Variants in EBF1 observed in about 807,000 individuals in gnomAD.
The protein encoded by EBF1 is EBF transcription factor 1.
EBF1 carries 10 observed loss-of-function variants against 68.4 expected under a neutral mutation model. The observed-to-expected ratio is 0.15, with a 90% confidence interval of 0.09 to 0.25. The LOEUF (loss-of-function observed/expected upper bound fraction) is 0.25, where lower values mean the gene tolerates loss of function less well. EBF1 is among the 10% of genes least tolerant of loss of function. The pLI is 1.00. For synonymous variants in EBF1, 298 were observed against 299.8 expected, an observed-to-expected ratio of 0.99 and a Z score of 0.06; for missense variants, 509 against 794.4, an observed-to-expected ratio of 0.64 and a Z score of 4.32.
chr5:158,951,804 A>G (rs1816068054), intron 6 of EBF1, among the ~76,000 whole-genome samples: 1 of 152,188 alleles, frequency 6.6e-6, no homozygotes, highest in South Asian at 2.1e-4. Flanking sequence ...CTTACAGGTC[A>G]GAGACAATGA....
intron 10 of EBF1, among the ~76,000 whole-genome samples, chr5:158,734,033 T>A (rs1323080508): frequency 1.3e-5 from 2 of 152,202 alleles, no homozygotes; most frequent in Non-Finnish European, 2.9e-5. Flanking sequence ...TATGATGCCA[T>A]CCTCAAAAGC....
At chr5:158,724,221 G>T (rs1416401218) in intron 11 of EBF1, among the ~76,000 whole-genome samples, 1 of 152,162 alleles carries the variant, frequency 6.6e-6, no homozygotes, top group Non-Finnish European at 1.5e-5. Flanking sequence ...TATACCATAA[G>T]ATTTGCCATT....
chr5:158,808,058 C>T lies in EBF1; in HGVS notation c.779-11583G>A, dbSNP rs189704955. Reference sequence around the variant, plus strand: ...TATCATTTTGAGCCAGTTTCCTCTCCTCCCTGACACATTTAGTGACACTGC... The same window carrying T: ...TATCATTTTGAGCCAGTTTCCTCTCTTCCCTGACACATTTAGTGACACTGC... On this transcript the variant is annotated intron_variant, in intron 8 of 15. Transcript: ENST00000313708. Among the ~76,000 whole-genome samples, 337 of 152,264 alleles carry T rather than the reference C, an allele frequency of 2.2e-3. 3 individuals are homozygous for T. The highest frequency in any genetic ancestry group is 7.9e-3 in the African/African-American group (329 of 41,574).
At chr5:158,916,511 T>C (rs1249527407) in intron 6 of EBF1, among the ~76,000 whole-genome samples, 2 of 152,184 alleles carry the variant, frequency 1.3e-5, no homozygotes, top group Non-Finnish European at 2.9e-5. Context: ...CTTTAAGTCA[T>C]GAAATACTTA....
At chr5:158,866,404 A>T (rs1395485312) in intron 6 of EBF1, among the ~76,000 whole-genome samples, 1 of 152,200 alleles carries the variant, frequency 6.6e-6, no homozygotes, top group East Asian at 1.9e-4. Context: ...TTCTCTTGTC[A>T]CAACCCTTCC....
chr5:158,962,982 A>T (rs1447806796), intron 6 of EBF1, among the ~76,000 whole-genome samples: 1 of 152,228 alleles, frequency 6.6e-6, no homozygotes, highest in Non-Finnish European at 1.5e-5. Flanking sequence ...TTTACCAAAA[A>T]AGATGATGAA....
intron 6 of EBF1, among the ~76,000 whole-genome samples, chr5:159,064,623 G>C (rs935704333): frequency 6.6e-6 from 1 of 152,170 alleles, no homozygotes; most frequent in African/African-American, 2.4e-5. Context: ...GGTGCTCATA[G>C]ACCAGGATTC....
intron 6 of EBF1, among the ~76,000 whole-genome samples, chr5:158,929,293 C>T (rs1365738798): frequency 1.3e-5 from 2 of 152,316 alleles, no homozygotes; most frequent in East Asian, 1.9e-4. Flanking sequence ...CCTAAATTAT[C>T]AGCCTTTGTA....
chr5:158,853,334 G>A (rs530249624), intron 6 of EBF1, among the ~76,000 whole-genome samples: 1 of 152,320 alleles, frequency 6.6e-6, no homozygotes, highest in East Asian at 1.9e-4. Context: ...ACTGGCATGT[G>A]ACCCAAGTCA....
At chr5:158,854,372 A>G (rs1414463969) in intron 6 of EBF1, among the ~76,000 whole-genome samples, 2 of 152,240 alleles carry the variant, frequency 1.3e-5, no homozygotes, top group Non-Finnish European at 1.5e-5. Context: ...TAAGGATCGC[A>G]TCACTTGAAA....
intron 8 of EBF1, among the ~76,000 whole-genome samples, chr5:158,811,679 T>G (rs1004794049): frequency 6.6e-6 from 1 of 152,198 alleles, no homozygotes; most frequent in African/African-American, 2.4e-5. Flanking sequence ...CCCAAAACAC[T>G]GCTCTAAATG....
At chr5:159,029,686 G>A (rs1170830846) in intron 6 of EBF1, among the ~76,000 whole-genome samples, 5 of 152,010 alleles carry the variant, frequency 3.3e-5, no homozygotes, top group African/African-American at 1.2e-4. Flanking sequence ...CGGGCACCAT[G>A]GCTCATGCCT....
At chr5:158,759,836 G>C (rs921321573) in intron 10 of EBF1, among the ~76,000 whole-genome samples, 2 of 151,616 alleles carry the variant, frequency 1.3e-5, no homozygotes, top group Non-Finnish European at 2.9e-5. Context: ...ACCTTTCTGG[G>C]TTACAGAACA....
intron 6 of EBF1, among the ~76,000 whole-genome samples, chr5:158,976,909 C>G (rs1281152041): frequency 2.0e-5 from 3 of 152,152 alleles, no homozygotes; most frequent in Non-Finnish European, 4.4e-5. Context: ...CAGTGAATGT[C>G]AATTTAGGGT....
At chr5:158,862,122 A>T (rs1400755686) in intron 6 of EBF1, among the ~76,000 whole-genome samples, 1 of 152,218 alleles carries the variant, frequency 6.6e-6, no homozygotes, top group African/African-American at 2.4e-5. Context: ...GTAAAATTTT[A>T]TCTGAATAAC....
At chr5:158,865,914 C>T (rs1292897495) in intron 6 of EBF1, among the ~76,000 whole-genome samples, 1 of 152,170 alleles carries the variant, frequency 6.6e-6, no homozygotes. Flanking sequence ...TATTCACCAT[C>T]GTTGGAGCAA....
At chr5:159,095,859 T>G (rs1161422903) in intron 3 of EBF1, among the ~76,000 whole-genome samples, 184 bp from the exon 4 acceptor site, 1 of 152,222 alleles carries the variant, frequency 6.6e-6, no homozygotes, top group Non-Finnish European at 1.5e-5. Flanking sequence ...CCTTCCCCAG[T>G]GTCCAGAGAG....
At chr5:159,076,425 T>C (rs62385440) in intron 5 of EBF1, among the ~76,000 whole-genome samples, 3 of 152,118 alleles carry the variant, frequency 2.0e-5, no homozygotes, top group Non-Finnish European at 4.4e-5. Flanking sequence ...AGATTTTTCC[T>C]TTTCACTTAA....
intron 6 of EBF1, among the ~76,000 whole-genome samples, chr5:158,963,775 A>C (rs925591425): frequency 1.3e-5 from 2 of 152,092 alleles, no homozygotes; most frequent in Admixed American, 1.3e-4. Context: ...GAGTGTTGGA[A>C]CATTTTCTCT....
Sources: allele counts gnomAD v4.1 joint callset (sites outside exome capture counted in the v4.1 genomes callset), GRCh38; gene constraint gnomAD v4.1.1; transcripts MANE v1.5; gene names NCBI Gene and HGNC (gene_info 2026-07-23, HGNC 2026-07-21).